Variants in JMJD1C observed in about 807,000 individuals in gnomAD.
The protein encoded by JMJD1C is jumonji domain containing 1C, also known as jumonji domain-containing protein 1C.
A neutral mutation model predicts 245.3 loss-of-function variants in JMJD1C; 31 were observed. That is an observed-to-expected ratio of 0.13 (90% CI 0.09 to 0.17). JMJD1C has a LOEUF of 0.17. Ranked by LOEUF, JMJD1C falls within the 10% of genes least tolerant of loss-of-function variation. The pLI is 1.00. For missense variants in JMJD1C, 2,691 were observed against 3,000.2 expected (o/e 0.90, Z 2.41); for synonymous variants, 1,057 against 1,017.4 (o/e 1.04, Z -0.74).
intron 1 of JMJD1C, among the ~76,000 whole-genome samples, chr10:63,445,668 TTG>T (rs1236124822): frequency 6.6e-6 from 1 of 152,138 alleles, no homozygotes; most frequent in Non-Finnish European, 1.5e-5. Context: ...ATCTGACTGT[TTG>T]CTATAGGCAC....
intron 2 of JMJD1C, among the ~76,000 whole-genome samples, chr10:63,323,571 A>G (rs1033080643): frequency 6.6e-6 from 1 of 152,214 alleles, no homozygotes; most frequent in Non-Finnish European, 1.5e-5. Flanking sequence ...AGCACAAGTT[A>G]TAAAACAATG....
chr10:63,510,437 T>G (rs1426334833), intron 1 of JMJD1C, among the ~76,000 whole-genome samples: 1 of 152,250 alleles, frequency 6.6e-6, no homozygotes, highest in African/African-American at 2.4e-5. Context: ...TATTTTTAAG[T>G]GTTTTTGAGA....
intron 1 of JMJD1C, among the ~76,000 whole-genome samples, chr10:63,443,889 A>T (rs1951538641): frequency 6.6e-6 from 1 of 152,240 alleles, no homozygotes; most frequent in Non-Finnish European, 1.5e-5. Flanking sequence ...AGGGTATCAG[A>T]AGCTCTGTGC....
intron 2 of JMJD1C, among the ~76,000 whole-genome samples, chr10:63,350,236 G>C (rs1944233095): frequency 6.6e-6 from 1 of 152,138 alleles, no homozygotes; most frequent in South Asian, 2.1e-4. Flanking sequence ...GTGAGTGGCA[G>C]ATGTAGGAAA....
At chr10:63,179,783 GA>G (rs146298979) in intron 22 of JMJD1C, among the ~76,000 whole-genome samples, 77,050 of 132,940 alleles carry the variant, frequency 0.58, 21,624 homozygotes, top group South Asian at 0.75. Flanking sequence ...CTTTAAAAAA[GA>G]AAAAAAAAAA....
intron 2 of JMJD1C, among the ~76,000 whole-genome samples, chr10:63,270,555 C>T (rs563380727): frequency 1.3e-5 from 2 of 152,144 alleles, no homozygotes; most frequent in Non-Finnish European, 2.9e-5. Flanking sequence ...CAATCTCTGG[C>T]TCCTGGGCTC....
chr10:63,450,568 A>G (rs1589771201), intron 1 of JMJD1C, among the ~76,000 whole-genome samples: 1 of 151,774 alleles, frequency 6.6e-6, no homozygotes. Flanking sequence ...TAATGAAGGG[A>G]AAAAAAATTT....
At chr10:63,272,982 T>C (rs1157894377) in intron 2 of JMJD1C, among the ~76,000 whole-genome samples, 1 of 152,188 alleles carries the variant, frequency 6.6e-6, no homozygotes, top group Non-Finnish European at 1.5e-5. Context: ...GTAACACAAA[T>C]GTACTAATTT....
rs1376418034 is a variant in JMJD1C at position 63,264,688 on chromosome 10, T to C, written c.410A>G (p.Asp137Gly). Residue 137 changes from aspartate (D) to glycine (G), a missense_variant, in exon 3 of 26, where the codon GAT (aspartate) becomes GGT (glycine). By Grantham distance (94) the Asp-to-Gly change is moderately conservative (BLOSUM62 -1). Transcript: ENST00000399262. ...AAAGGCACTATCTTCAGTTAAAAAA[T>C]CCAGTTGCTTATCTACAAGGAATTC... Reference protein sequence around the residue: ...AVEFLVDKQLDFLTEDSAFQP... With the variant: ...AVEFLVDKQLGFLTEDSAFQP... The C allele has an allele frequency of 2.5e-6, 4 of 1,588,876 alleles. No homozygotes were observed. Among genetic ancestry groups the C allele is most frequent in the Non-Finnish European group, 3.4e-6 (4 of 1,165,046 alleles).
At chr10:63,501,593 C>T (rs557536264) in intron 1 of JMJD1C, among the ~76,000 whole-genome samples, 3 of 152,090 alleles carry the variant, frequency 2.0e-5, no homozygotes, top group African/African-American at 7.2e-5. Flanking sequence ...CTGGCTAACA[C>T]AGTGAAACCC....
At chr10:63,431,947 G>C (rs1031649648) in intron 1 of JMJD1C, among the ~76,000 whole-genome samples, 1 of 152,172 alleles carries the variant, frequency 6.6e-6, no homozygotes, top group Non-Finnish European at 1.5e-5. Context: ...AGGGGACAGG[G>C]GTTGCGGTGA....
In JMJD1C at chr10:63,225,992, C is replaced by G. The variant is rs993679731; in HGVS notation, c.448-6009G>C. 8.6e-5 allele frequency among the ~76,000 whole-genome samples: 13 copies of G among 151,670 alleles called. No individual in the cohort carries two copies. The East Asian group carries it at 1.9e-3, about 23-fold the overall frequency. On this transcript the variant is annotated intron_variant, in intron 3 of 25. Coordinates refer to ENST00000399262, the MANE Select transcript of JMJD1C (RefSeq NM_032776.3). ...CTCAGGTTCTTCTCCCCCACCCCCC[C>G]CTTCCCTCCACATACACTCTCTCTC... is the stretch of plus-strand genomic sequence containing the variant.
chr10:63,320,904 G>A (rs1204925825), intron 2 of JMJD1C, among the ~76,000 whole-genome samples: 2 of 152,158 alleles, frequency 1.3e-5, no homozygotes, highest in Non-Finnish European at 2.9e-5. Context: ...CCAACCATGT[G>A]TTTAGAGAGT....
intron 1 of JMJD1C, among the ~76,000 whole-genome samples, chr10:63,492,264 A>G (rs758391827): frequency 2.4e-4 from 36 of 152,170 alleles, no homozygotes; most frequent in Non-Finnish European, 4.9e-4. Flanking sequence ...TTTTTCTTTC[A>G]AAGTCAAGCG....
intron 2 of JMJD1C, among the ~76,000 whole-genome samples, chr10:63,365,333 A>G (rs1457252987): frequency 2.0e-5 from 3 of 152,232 alleles, no homozygotes; most frequent in Non-Finnish European, 4.4e-5. Flanking sequence ...ATTTTAGTTT[A>G]TTCTCATTTA....
At chr10:63,349,028 A>T (rs1589548151) in intron 2 of JMJD1C, among the ~76,000 whole-genome samples, 1 of 142,482 alleles carries the variant, frequency 7.0e-6, no homozygotes, top group South Asian at 2.3e-4. Flanking sequence ...TTGAATCCAG[A>T]AGTCAGAGGT....
At chr10:63,301,746 T>C (rs534318610) in intron 2 of JMJD1C, 46 of 452,314 alleles carry the variant, frequency 1.0e-4, no homozygotes, top group African/African-American at 8.2e-4. Context: ...CAAACCACCA[T>C]GGCACGTGTA....
At chr10:63,362,845 G>C (rs1945506245) in intron 2 of JMJD1C, among the ~76,000 whole-genome samples, 1 of 152,000 alleles carries the variant, frequency 6.6e-6, no homozygotes, top group African/African-American at 2.4e-5. Flanking sequence ...GAGGATCCCT[G>C]ACTAAGCATT....
chr10:63,447,193 G>C (rs1207393986), intron 1 of JMJD1C, among the ~76,000 whole-genome samples: 1 of 152,020 alleles, frequency 6.6e-6, no homozygotes, highest in Non-Finnish European at 1.5e-5. Flanking sequence ...AGTTTCTCAA[G>C]CTTGAACTCA....
Sources: gnomAD v4.1 joint callset for allele counts (sites outside exome capture counted in the v4.1 genomes callset) on GRCh38, gnomAD v4.1.1 for gene constraint, MANE v1.5 for transcripts, NCBI Gene and HGNC (gene_info 2026-07-23, HGNC 2026-07-21) for gene names.